Variants in STT3A observed in about 807,000 individuals in gnomAD.
The protein encoded by STT3A is STT3 oligosaccharyltransferase complex catalytic subunit A.
In STT3A, 34 loss-of-function variants were observed where a neutral mutation model predicts 89.2. That is an observed-to-expected ratio of 0.38 (90% CI 0.29 to 0.51). STT3A has a LOEUF of 0.51. Ranked by LOEUF, STT3A falls within the 20% of genes least tolerant of loss-of-function variation. STT3A has a pLI of 0.89. For missense variants in STT3A, 555 were observed against 889.5 expected, an observed-to-expected ratio of 0.62 and a Z score of 4.78; for synonymous variants, 282 against 310.3, an observed-to-expected ratio of 0.91 and a Z score of 0.96.
chr11:125,609,939 C>A (rs1309817263), intron 10 of STT3A: 6 of 209,010 alleles, frequency 2.9e-5, no homozygotes, highest in African/African-American at 7.0e-5. Context: ...TATTGAAGTC[C>A]CATAATGAGT....
chr11:125,600,250 A>G (rs1939631900), intron 3 of STT3A, among the ~76,000 whole-genome samples: 1 of 152,092 alleles, frequency 6.6e-6, no homozygotes, highest in Non-Finnish European at 1.5e-5. Context: ...GGGTTTCTCC[A>G]TGTTGGTCAG....
At chr11:125,606,768 C>T (rs185135316) in intron 8 of STT3A, among the ~76,000 whole-genome samples, 3 of 152,248 alleles carry the variant, frequency 2.0e-5, no homozygotes, top group Non-Finnish European at 4.4e-5. Context: ...AATTTCCAGT[C>T]TTCTTAATGC....
At position 125,608,000 on chromosome 11, in the gene STT3A, A is replaced by G. The variant is rs73019783; in HGVS notation, c.781-109A>G. ...TTGGCCCTGATTCCTTCGGGGCCTCAGAACTCATTTGACCATTTGGTTTGA... is the reference window on the plus strand; with the variant it reads ...TTGGCCCTGATTCCTTCGGGGCCTCGGAACTCATTTGACCATTTGGTTTGA... On this transcript the variant is annotated intron_variant, in intron 8 of 17. Coordinates refer to ENST00000392708, the MANE Select transcript of STT3A (RefSeq NM_152713.5). 11,483 of 1,209,214 alleles carry G rather than the reference A, an allele frequency of 9.5e-3. 70 individuals carry two copies. The highest frequency in any genetic ancestry group is 0.012 in the Non-Finnish European group (10,545 of 890,470). The allele number at this position is 1,209,214 out of a possible 1,614,324, so 74.9% of individuals were successfully genotyped here.
chr11:125,606,113 T>TG, intron 7 of STT3A, 188 bp from the exon 8 acceptor site: 1 of 576,158 alleles, frequency 1.7e-6, no homozygotes, highest in Non-Finnish European at 3.0e-6. Context: ...GACCTGTACA[T>TG]GTAAGGACTT....
At position 125,613,945 on chromosome 11, in the gene STT3A, G is replaced by C. The variant is rs1037143158; in HGVS notation, c.1555-142G>C. On this transcript the variant is annotated intron_variant, in intron 13 of 17. Coordinates refer to ENST00000392708, the MANE Select transcript of STT3A (RefSeq NM_152713.5). The surrounding 1 kb of genome is among the most constrained non-coding windows in gnomAD (Gnocchi z 4.2). ...GACCAGGTGCCAGGATTTATTTTCT[G>C]GTTTGACATGCATTACTTTGTGAAG... 36 of 688,754 alleles carry C rather than the reference G, an allele frequency of 5.2e-5. No individual in the cohort carries two copies. The East Asian group carries it at 8.9e-4, about 17-fold the overall frequency. 42.7% of individuals were successfully genotyped at this position (688,754 alleles called of 1,614,324 possible). A position where few individuals can be genotyped will look rare whatever the true frequency, so the allele number is the denominator to read the frequency against.
rs201982930 is a variant in STT3A at position 125,620,804 on chromosome 11, G to A, written c.2112G>A (p.Arg704=). The change falls in exon 18 of 18, where the codon AGG becomes AGA. Residue 704 remains arginine, a synonymous_variant. Coordinates refer to ENST00000392708, the MANE Select transcript of STT3A (RefSeq NM_152713.5). ...VKDLDNRGLS[R]T ...ACCTGGATAATCGAGGCTTGTCAAG[G>A]ACATAAATGTCACGTCCAGCTCTGA... is the stretch of plus-strand genomic sequence containing the variant. 2.5e-6 allele frequency: 4 copies of A among 1,613,502 alleles called. No individual in the cohort carries two copies. The highest frequency in any genetic ancestry group is 1.3e-5 in the African/African-American group (1 of 74,752).
intron 8 of STT3A, 63 bp from the exon 9 acceptor site, chr11:125,608,046 G>C (rs994593437): frequency 6.7e-6 from 10 of 1,491,444 alleles, no homozygotes; most frequent in Admixed American, 2.3e-5. Context: ...AATAATGCAG[G>C]CCTGCACTGG....
chr11:125,602,684 G>C, intron 4 of STT3A, 119 bp from the exon 5 acceptor site: 1 of 1,363,026 alleles, frequency 7.3e-7, no homozygotes, highest in African/African-American at 1.4e-5. Flanking sequence ...TGCTATGTTA[G>C]TATTTCTGGT....
intron 15 of STT3A, among the ~76,000 whole-genome samples, chr11:125,615,815 A>G (rs7112696): frequency 0.11 from 17,152 of 152,064 alleles, 1,480 homozygotes; most frequent in African/African-American, 0.24. Context: ...CTTTGGGAAG[A>G]CTCTTGAGGT....
rs2135940141 is a variant in STT3A, at chr11:125,613,807, C to T, written c.1555-280C>T. ...AGGCTATTGATGTGGCTACATTGCA[C>T]AGTCTCCCACACCTCCCACCCCATT... On this transcript the variant is annotated intron_variant, in intron 13 of 17. Coordinates refer to ENST00000392708, the MANE Select transcript of STT3A (RefSeq NM_152713.5). The surrounding 1 kb of genome is among the most constrained non-coding windows in gnomAD (Gnocchi z 4.2). 1 of 340,334 alleles carries T rather than the reference C, an allele frequency of 2.9e-6. No individual in the cohort carries two copies. The highest frequency in any genetic ancestry group is 5.5e-6 in the Non-Finnish European group (1 of 182,848). 21.1% of individuals were successfully genotyped at this position (340,334 alleles called of 1,614,324 possible).
At chr11:125,612,779 A>C (rs1940065216) in intron 12 of STT3A, 32 bp downstream of exon 12, 1 of 1,608,532 alleles carries the variant, frequency 6.2e-7, no homozygotes, top group African/African-American at 1.3e-5. Context: ...AGACTTGGGA[A>C]ACTCTGTGTG....
chr11:125,607,170 T>G (rs1021518333), intron 8 of STT3A, among the ~76,000 whole-genome samples: 8 of 152,210 alleles, frequency 5.3e-5, no homozygotes, highest in African/African-American at 1.9e-4. Flanking sequence ...CAACACTTTA[T>G]TGTAAAATAG....
intron 15 of STT3A, among the ~76,000 whole-genome samples, chr11:125,617,516 C>T (rs1039281901): frequency 6.6e-6 from 1 of 152,058 alleles, no homozygotes; most frequent in African/African-American, 2.4e-5. Flanking sequence ...TAATACTAAC[C>T]ATCCAGTGAA....
intron 1 of STT3A, among the ~76,000 whole-genome samples, chr11:125,594,069 T>C (rs1233058488): frequency 6.6e-6 from 1 of 152,192 alleles, no homozygotes; most frequent in African/African-American, 2.4e-5. Context: ...AGAGTGGATT[T>C]TGAATATTCC....
At chr11:125,609,993 A>G (rs1210858335) in intron 10 of STT3A, 3 of 159,296 alleles carry the variant, frequency 1.9e-5, no homozygotes, top group Non-Finnish European at 1.4e-5. Context: ...CTTCTGGCCA[A>G]TCCAGATGTG....
At chr11:125,596,291 C>G (rs1478213515) in intron 2 of STT3A, among the ~76,000 whole-genome samples, 1 of 152,098 alleles carries the variant, frequency 6.6e-6, no homozygotes, top group Non-Finnish European at 1.5e-5. Context: ...ATGATGAAAC[C>G]CTGTCTCTAC....
chr11:125,605,556 G>A, intron 6 of STT3A, 73 bp from the exon 7 acceptor site: 1 of 1,118,672 alleles, frequency 8.9e-7, no homozygotes, highest in Non-Finnish European at 1.3e-6. Context: ...CAGGCAGTCT[G>A]TTCCAGAACA....
chr11:125,596,291 C>T (rs1478213515), intron 2 of STT3A, among the ~76,000 whole-genome samples: 1 of 152,098 alleles, frequency 6.6e-6, no homozygotes, highest in African/African-American at 2.4e-5. Flanking sequence ...ATGATGAAAC[C>T]CTGTCTCTAC....
At chr11:125,593,676 C>T (rs1213275935) in intron 1 of STT3A, 1 of 152,226 alleles carries the variant, frequency 6.6e-6, no homozygotes, top group Non-Finnish European at 1.5e-5. Flanking sequence ...AGAGATATGG[C>T]TGGATTGTTG....
Sources: gnomAD v4.1 joint callset for allele counts (sites outside exome capture counted in the v4.1 genomes callset) on GRCh38, gnomAD v4.1.1 for gene constraint, Gnocchi (gnomAD v3.1) non-coding constraint, MANE v1.5 for transcripts, NCBI Gene and HGNC (gene_info 2026-07-23, HGNC 2026-07-21) for gene names.